TFCP2L1: variants seen among roughly 807,000 people sequenced by gnomAD.
The protein encoded by TFCP2L1 is transcription factor CP2-like protein 1.
A neutral mutation model predicts 72.2 loss-of-function variants in TFCP2L1; 12 were observed. That is an observed-to-expected ratio of 0.17 (90% CI 0.11 to 0.27). The LOEUF (loss-of-function observed/expected upper bound fraction) is 0.27. Among genes scored for constraint, TFCP2L1 ranks in the 10% least tolerant of loss-of-function variants. The pLI is 1.00. For missense variants in TFCP2L1, 488 were observed against 624.6 expected (o/e 0.78, Z 2.33); for synonymous variants, 260 against 251.0 (o/e 1.04, Z -0.34).
intron 2 of TFCP2L1, among the ~76,000 whole-genome samples, chr2:121,261,919 G>A (rs1686835563): frequency 6.6e-6 from 1 of 152,146 alleles, no homozygotes; most frequent in South Asian, 2.1e-4. Flanking sequence ...TGCACTGCTG[G>A]GGATACGATG....
At chr2:121,238,919 C>G (rs562883076) in intron 8 of TFCP2L1, among the ~76,000 whole-genome samples, 1 of 152,128 alleles carries the variant, frequency 6.6e-6, no homozygotes, top group African/African-American at 2.4e-5. Flanking sequence ...AACCTGCAAG[C>G]AGAAAACAGG....
At chr2:121,283,957 G>GC (rs1381182489) in intron 1 of TFCP2L1, among the ~76,000 whole-genome samples, 2 of 152,138 alleles carry the variant, frequency 1.3e-5, no homozygotes, top group Non-Finnish European at 2.9e-5. Flanking sequence ...GACTACTTTG[G>GC]CCCATGAATA....
chr2:121,280,769 G>GAAAAAAAAA (rs557121688), intron 2 of TFCP2L1, among the ~76,000 whole-genome samples: 1 of 23,938 alleles, frequency 4.2e-5, no homozygotes, highest in Non-Finnish European at 9.6e-5. Flanking sequence ...CTCAAAAAAG[G>GAAAAAAAAA]AAAAAAAAAA....
chr2:121,249,678 T>G, intron 2 of TFCP2L1, 31 bp from the exon 3 acceptor site: 1 of 1,609,224 alleles, frequency 6.2e-7, no homozygotes, highest in Non-Finnish European at 8.5e-7. Flanking sequence ...CATTTTCCAT[T>G]TCTGAGTATT....
chr2:121,272,035 GCTCCTGCACCGAAGTGC>G (rs1297926776), intron 2 of TFCP2L1, among the ~76,000 whole-genome samples: 1 of 152,144 alleles, frequency 6.6e-6, no homozygotes, highest in African/African-American at 2.4e-5. Context: ...AAGTGACAGA[GCTCCTGCACCGAAGTGC>G]CTGGCCTAGA....
At chr2:121,269,894 G>C (rs1687008858) in intron 2 of TFCP2L1, among the ~76,000 whole-genome samples, 1 of 76,018 alleles carries the variant, frequency 1.3e-5, no homozygotes. Context: ...GGGTGACAGA[G>C]CAAGACTCCA....
At chr2:121,231,804 C>T in intron 13 of TFCP2L1, 22 bp downstream of exon 13, 2 of 1,610,646 alleles carry the variant, frequency 1.2e-6, no homozygotes, top group Non-Finnish European at 1.7e-6. Context: ...GTTGTCGGGG[C>T]AGGCCAGGCA....
At chr2:121,284,291 A>G (rs984096967) in intron 1 of TFCP2L1, among the ~76,000 whole-genome samples, 11 of 152,234 alleles carry the variant, frequency 7.2e-5, no homozygotes, top group African/African-American at 4.8e-5. Flanking sequence ...GAGTTCACAA[A>G]GTGAAATGAC....
At chr2:121,262,928 T>TTTTG (rs891406656) in intron 2 of TFCP2L1, among the ~76,000 whole-genome samples, 13 of 152,152 alleles carry the variant, frequency 8.5e-5, no homozygotes, top group South Asian at 2.1e-4. Context: ...TTTTTCTATA[T>TTTTG]TTTGTTTGTT....
chr2:121,278,754 A>G (rs896660908), intron 2 of TFCP2L1, among the ~76,000 whole-genome samples: 10 of 151,480 alleles, frequency 6.6e-5, no homozygotes, highest in Middle Eastern at 6.9e-3. Context: ...CTGTAATCCC[A>G]GCACTTTGGA....
In TFCP2L1 at chr2:121,285,051, A is replaced by C; in HGVS notation, c.59T>G (p.Leu20Arg). 1 of 1,509,276 alleles carries C rather than the reference A, an allele frequency of 6.6e-7. No homozygotes were observed. Among genetic ancestry groups the C allele is most frequent in the Middle Eastern group, 1.8e-4 (1 of 5,686 alleles). The allele number at this position is 1,509,276 out of a possible 1,614,324, so 93.5% of individuals were successfully genotyped here. Residue 20 changes from leucine to arginine, a missense_variant, in exon 1 of 15, where the codon CTG (leucine) becomes CGG (arginine). By Grantham distance (102) the Leu-to-Arg change is moderately radical. Around this residue, in one of 3 missense-constraint regions of TFCP2L1, gnomAD observed 73 missense variants for 59.7 expected, o/e 1.22. Transcript: ENST00000263707. ...GGGGACCGCGCGCGGCCCTTACCGC[A>C]GGTAGCTGCCGGAGTTGTGCTGGTT... ...HYNQHNSGSY[L>R]RDVLALPIFK...
At chr2:121,250,794 A>T (rs903724779) in intron 2 of TFCP2L1, among the ~76,000 whole-genome samples, 2 of 151,552 alleles carry the variant, frequency 1.3e-5, no homozygotes, top group African/African-American at 4.8e-5. Context: ...TTTAGTAGAG[A>T]CAGGGTTTCA....
intron 2 of TFCP2L1, among the ~76,000 whole-genome samples, chr2:121,261,897 C>T (rs571837681): frequency 2.0e-5 from 3 of 152,284 alleles, no homozygotes; most frequent in Admixed American, 6.5e-5. Context: ...GTATCAGCAC[C>T]ATGATCCCCA....
chr2:121,263,209 T>C (rs7609286), intron 2 of TFCP2L1, among the ~76,000 whole-genome samples: 4,463 of 152,332 alleles, frequency 0.029, 236 homozygotes, highest in African/African-American at 0.1. Context: ...GTGCTGGGAT[T>C]ACAGGCATGA....
chr2:121,246,715 C>G, intron 6 of TFCP2L1, 103 bp downstream of exon 6: 1 of 1,468,614 alleles, frequency 6.8e-7, no homozygotes, highest in Non-Finnish European at 9.3e-7. Context: ...ATGCTGCGTT[C>G]CTCGCTGGGC....
chr2:121,285,177 C>G lies in TFCP2L1; in HGVS notation c.-68G>C. 1 of 1,318,656 alleles carries G rather than the reference C, an allele frequency of 7.6e-7. No homozygotes were observed. The highest frequency in any genetic ancestry group is 9.7e-7 in the Non-Finnish European group (1 of 1,027,448). 81.7% of individuals were successfully genotyped at this position (1,318,656 alleles called of 1,614,324 possible). A position where few individuals can be genotyped will look rare whatever the true frequency, so the allele number is the denominator to read the frequency against. On this transcript the variant is annotated 5_prime_UTR_variant, in exon 1 of 15. Transcript: ENST00000263707. ...GCAGACGCGGGGCGCGCCGAGGACCCAGCGGCGGCTTCGCGCTCCGAACCC... is the reference window on the plus strand; with the variant it reads ...GCAGACGCGGGGCGCGCCGAGGACCGAGCGGCGGCTTCGCGCTCCGAACCC...
intron 2 of TFCP2L1, among the ~76,000 whole-genome samples, chr2:121,264,949 T>C (rs1686900579): frequency 6.6e-6 from 1 of 152,202 alleles, no homozygotes; most frequent in South Asian, 2.1e-4. Context: ...AGAGTCACCA[T>C]TTGACCCAGC....
chr2:121,265,106 C>T (rs749670031), intron 2 of TFCP2L1, among the ~76,000 whole-genome samples: 3 of 152,106 alleles, frequency 2.0e-5, no homozygotes, highest in Non-Finnish European at 2.9e-5. Flanking sequence ...TTAAATAAAA[C>T]GTGGTACATC....
At chr2:121,232,313 AT>A (rs1394426226) in intron 12 of TFCP2L1, among the ~76,000 whole-genome samples, 17 of 151,536 alleles carry the variant, frequency 1.1e-4, no homozygotes, top group Admixed American at 3.3e-4. Context: ...TAATTTTTGT[AT>A]TTTTAGTAGA....
Sources: allele counts gnomAD v4.1 joint callset (sites outside exome capture counted in the v4.1 genomes callset), GRCh38; gene constraint gnomAD v4.1.1; regional missense constraint gnomAD v4.1.1; transcripts MANE v1.5; gene names NCBI Gene and HGNC (gene_info 2026-07-23, HGNC 2026-07-21).